NYAP2: variants seen among roughly 807,000 people sequenced by gnomAD.
The protein encoded by NYAP2 is neuronal tyrosine-phosphorylated phosphoinositide-3-kinase adapter 2.
Under a neutral mutation model 50.4 loss-of-function variants are expected in NYAP2, and 23 were observed. The observed-to-expected ratio is 0.46, with a 90% CI of 0.33 to 0.65. The LOEUF is 0.65. Among genes scored for constraint, NYAP2 ranks in the 30% least tolerant of loss-of-function variants. The pLI, the probability that NYAP2 is intolerant of heterozygous loss-of-function variation, is 0.02. For missense variants in NYAP2, 885 were observed against 861.0 expected, an observed-to-expected ratio of 1.03 and a Z score of -0.35; for synonymous variants, 394 against 365.2, an observed-to-expected ratio of 1.08 and a Z score of -0.90.
chr2:225,630,055 A>C (rs1693280777), intron 6 of NYAP2, among the ~76,000 whole-genome samples: 1 of 152,184 alleles, frequency 6.6e-6, no homozygotes, highest in Non-Finnish European at 1.5e-5. Context: ...TGAAACAATG[A>C]GTTTCTCACC....
intron 3 of NYAP2, among the ~76,000 whole-genome samples, chr2:225,483,616 G>A (rs1421529048): frequency 1.3e-5 from 2 of 152,158 alleles, no homozygotes; most frequent in East Asian, 3.8e-4. Flanking sequence ...ATAATAGCAT[G>A]AGTAATAACA....
At chr2:225,604,914 G>T (rs573738778) in intron 5 of NYAP2, among the ~76,000 whole-genome samples, 1 of 152,140 alleles carries the variant, frequency 6.6e-6, no homozygotes, top group South Asian at 2.1e-4. Flanking sequence ...CTTTTTACAT[G>T]AAATTTTAAT....
chr2:225,668,730 C>CTGTG, the NYAP2 span, among the ~76,000 whole-genome samples: 9 of 151,904 alleles, frequency 5.9e-5, no homozygotes, highest in African/African-American at 2.2e-4. Flanking sequence ...CTGTCCTTTC[C>CTGTG]TGTGTGTGTG....
At chr2:225,546,581 G>A (rs971210355) in intron 4 of NYAP2, among the ~76,000 whole-genome samples, 1 of 152,002 alleles carries the variant, frequency 6.6e-6, no homozygotes, top group Non-Finnish European at 1.5e-5. Context: ...TACCCTTCAG[G>A]GCAGTGGGCT....
At position 225,582,701 on chromosome 2, in the gene NYAP2, C is replaced by A; in HGVS notation, c.1284C>A (p.Gly428=). 2 of 1,607,044 alleles carry A rather than the reference C, an allele frequency of 1.2e-6. No individual in the cohort carries two copies. The highest frequency in any genetic ancestry group is 1.7e-6 in the Non-Finnish European group (2 of 1,175,742). The stretch of plus-strand genomic sequence containing the variant: ...TGTACCGAACCCAGTCTCCCCATGG[C>A]TACCCTAAAAGTCACTCCACCTCTC... The change falls in exon 5 of 7, where the codon GGC becomes GGA. Residue 428 remains glycine, a synonymous_variant. Transcript: ENST00000636099. The surrounding 1 kb of genome is among the most constrained non-coding windows in gnomAD (Gnocchi z 7.0).
At chr2:225,606,927 G>A (rs1476726812) in intron 5 of NYAP2, among the ~76,000 whole-genome samples, 2 of 151,976 alleles carry the variant, frequency 1.3e-5, no homozygotes, top group East Asian at 3.9e-4. Context: ...CAGCACCTAA[G>A]GATATTTTGT....
At chr2:225,684,885 G>A in the NYAP2 span, among the ~76,000 whole-genome samples, 3 of 152,138 alleles carry the variant, frequency 2.0e-5, no homozygotes, top group Non-Finnish European at 2.9e-5. Flanking sequence ...CACAACTGTG[G>A]GTGTGATATG....
intron 4 of NYAP2, among the ~76,000 whole-genome samples, chr2:225,573,652 C>A (rs979565361): frequency 4.6e-5 from 7 of 152,126 alleles, no homozygotes; most frequent in Non-Finnish European, 8.8e-5. Flanking sequence ...TTTCTGTACT[C>A]AGCTGGCAGT....
chr2:225,563,950 G>C (rs1254468457), intron 4 of NYAP2, among the ~76,000 whole-genome samples: 4 of 152,086 alleles, frequency 2.6e-5, no homozygotes, highest in African/African-American at 9.7e-5. Flanking sequence ...TGTAATCTGA[G>C]AATATTGCAG....
At chr2:225,453,806 T>C (rs1243163141) in intron 3 of NYAP2, among the ~76,000 whole-genome samples, 1 of 151,506 alleles carries the variant, frequency 6.6e-6, no homozygotes, top group Non-Finnish European at 1.5e-5. Flanking sequence ...TAGTTGGGTT[T>C]ATAGGTGCCC....
intron 6 of NYAP2, among the ~76,000 whole-genome samples, chr2:225,638,119 CTAGATATTA>C (rs1693454408): frequency 2.0e-5 from 3 of 149,928 alleles, no homozygotes; most frequent in South Asian, 4.2e-4. Flanking sequence ...TAAATAGACT[CTAGATATTA>C]GAGAGAATTT....
intron 4 of NYAP2, among the ~76,000 whole-genome samples, chr2:225,522,687 G>C (rs929105890): frequency 9.9e-5 from 15 of 152,216 alleles, no homozygotes; most frequent in Middle Eastern, 3.4e-3. Flanking sequence ...GAACACAAAT[G>C]GTCCTTTCTT....
chr2:225,530,309 T>G (rs1386780003), intron 4 of NYAP2, among the ~76,000 whole-genome samples: 1 of 152,162 alleles, frequency 6.6e-6, no homozygotes, highest in Non-Finnish European at 1.5e-5. Flanking sequence ...CCTGCTTAGC[T>G]GGCTACTGAA....
intron 3 of NYAP2, among the ~76,000 whole-genome samples, chr2:225,422,575 G>T (rs73099732): frequency 2.6e-5 from 4 of 152,040 alleles, no homozygotes; most frequent in African/African-American, 9.7e-5. Flanking sequence ...AGGCAAGGAC[G>T]CTGTGAACCG....
chr2:225,559,626 TGAG>T (rs904320363), intron 4 of NYAP2, among the ~76,000 whole-genome samples: 13 of 152,160 alleles, frequency 8.5e-5, no homozygotes, highest in Admixed American at 8.5e-4. Context: ...TTACTGGAAG[TGAG>T]GAGAAGTCAT....
exon 5 of NYAP2, chr2:225,581,942 G>A (rs756319896): frequency 1.1e-5 from 18 of 1,586,908 alleles, no homozygotes; most frequent in Non-Finnish European, 1.5e-5. Context: ...TTCTTTTAGC[G>A]TCAGCTAAAC....
chr2:225,612,748 C>A (rs1039469180), intron 5 of NYAP2, among the ~76,000 whole-genome samples: 2 of 54,540 alleles, frequency 3.7e-5, no homozygotes, highest in Non-Finnish European at 4.7e-5. Flanking sequence ...GAGGCCCCCC[C>A]CTTACAATCT....
the NYAP2 span, among the ~76,000 whole-genome samples, chr2:225,682,854 G>A: frequency 6.6e-6 from 1 of 152,096 alleles, no homozygotes; most frequent in African/African-American, 2.4e-5. Flanking sequence ...AGATCATAAA[G>A]GCAGATGTAG....
At chr2:225,634,665 C>A (rs1559236101) in intron 6 of NYAP2, among the ~76,000 whole-genome samples, 1 of 152,188 alleles carries the variant, frequency 6.6e-6, no homozygotes, top group Non-Finnish European at 1.5e-5. Flanking sequence ...GGTCAGGCAA[C>A]CTGCAAATCT....
Sources: gnomAD v4.1 joint callset for allele counts (sites outside exome capture counted in the v4.1 genomes callset) on GRCh38, gnomAD v4.1.1 for gene constraint, Gnocchi (gnomAD v3.1) non-coding constraint, MANE v1.5 for transcripts, NCBI Gene and HGNC (gene_info 2026-07-23, HGNC 2026-07-21) for gene names.